The following EYS variants were observed in gnomAD, a reference collection of about 807,000 sequenced individuals.
EYS encodes the protein EGF-like photoreceptor maintenance factor.
A neutral mutation model predicts 282.1 loss-of-function variants in EYS; 250 were observed. The ratio of observed to expected loss-of-function variants is 0.89; its 90% confidence interval spans 0.80 to 0.98. The LOEUF is 0.98. EYS is among the 50% of genes least tolerant of loss of function. The probability of loss-of-function intolerance (pLI) is 0.00; values close to 1 mark genes in which losing one functional copy is unlikely to be tolerated. For missense variants in EYS, 4,016 were observed against 3,709.0 expected (o/e 1.08, Z -2.15); for synonymous variants, 1,355 against 1,282.9 (o/e 1.06, Z -1.20).
intron 26 of EYS, among the ~76,000 whole-genome samples, chr6:64,459,762 C>T (rs1295437133): frequency 3.3e-5 from 5 of 152,318 alleles, no homozygotes; most frequent in Admixed American, 3.3e-4. Context: ...GCTGCACTGA[C>T]AGCTGATTAG....
At chr6:64,690,713 G>A (rs1270452515) in intron 22 of EYS, among the ~76,000 whole-genome samples, 5 of 152,168 alleles carry the variant, frequency 3.3e-5, no homozygotes, top group Admixed American at 2.6e-4. Context: ...ATCATTCTGA[G>A]CATACTCGCG....
At chr6:65,224,387 C>A (rs1031872585) in intron 12 of EYS, among the ~76,000 whole-genome samples, 4 of 151,902 alleles carry the variant, frequency 2.6e-5, no homozygotes, top group African/African-American at 4.8e-5. Flanking sequence ...ATACAGTATG[C>A]CAAAACTTAC....
intron 12 of EYS, among the ~76,000 whole-genome samples, chr6:65,257,954 C>T (rs10944785): frequency 0.042 from 6,392 of 151,208 alleles, 183 homozygotes; most frequent in Middle Eastern, 0.065. Context: ...CTGTAGTCAA[C>T]AAGAAATTAT....
intron 36 of EYS, among the ~76,000 whole-genome samples, chr6:63,820,808 T>G (rs1039122453): frequency 1.3e-5 from 2 of 152,234 alleles, no homozygotes; most frequent in African/African-American, 4.8e-5. Context: ...TGTATCTTAC[T>G]ATGCCAGTAC....
chr6:65,138,931 T>C (rs983032797), intron 12 of EYS, among the ~76,000 whole-genome samples: 21 of 152,154 alleles, frequency 1.4e-4, no homozygotes, highest in Admixed American at 3.3e-4. Flanking sequence ...AGTCCAAAGA[T>C]AACAGACTCT....
intron 33 of EYS, among the ~76,000 whole-genome samples, chr6:64,049,800 A>G (rs1770746133): frequency 6.6e-6 from 1 of 152,184 alleles, no homozygotes; most frequent in Non-Finnish European, 1.5e-5. Context: ...GAAACAACAG[A>G]TGGATATTCT....
intron 24 of EYS, among the ~76,000 whole-genome samples, chr6:64,603,445 C>T (rs1438608988): frequency 6.6e-6 from 1 of 151,958 alleles, no homozygotes; most frequent in African/African-American, 2.4e-5. Flanking sequence ...TCTGTTGCCT[C>T]CCAAGAGCAC....
chr6:64,445,534 A>G (rs377648258), intron 26 of EYS, among the ~76,000 whole-genome samples: 7 of 152,312 alleles, frequency 4.6e-5, no homozygotes, highest in African/African-American at 1.4e-4. Flanking sequence ...CAATAAAGAA[A>G]TGAAATAGGT....
chr6:65,627,440 C>A (rs1766746882), intron 2 of EYS, among the ~76,000 whole-genome samples: 3 of 152,246 alleles, frequency 2.0e-5, no homozygotes, highest in South Asian at 4.1e-4. Flanking sequence ...CTTGAGGAGC[C>A]CTTCGGCCGC....
At chr6:64,814,283 T>G (rs920326236) in intron 21 of EYS, among the ~76,000 whole-genome samples, 2 of 152,066 alleles carry the variant, frequency 1.3e-5, no homozygotes. Flanking sequence ...ATAGTTTTAC[T>G]TACTTATTCA....
At chr6:65,018,815 C>T (rs141048636) in intron 13 of EYS, among the ~76,000 whole-genome samples, 43 of 152,072 alleles carry the variant, frequency 2.8e-4, no homozygotes, top group African/African-American at 1.0e-3. Context: ...ACCCTGTGTG[C>T]ATATGTTTGC....
At chr6:64,236,754 T>A (rs1439840116) in intron 30 of EYS, among the ~76,000 whole-genome samples, 1 of 150,896 alleles carries the variant, frequency 6.6e-6, no homozygotes, top group Non-Finnish European at 1.5e-5. Context: ...TCTTTCAGGT[T>A]TTTTTAATTT....
At chr6:65,043,783 A>T (rs1561937412) in intron 13 of EYS, among the ~76,000 whole-genome samples, 1 of 151,438 alleles carries the variant, frequency 6.6e-6, no homozygotes, top group African/African-American at 2.4e-5. Flanking sequence ...CCATTCTTCC[A>T]TTGACAGACA....
intron 5 of EYS, among the ~76,000 whole-genome samples, chr6:65,457,064 C>T (rs1474410633): frequency 2.0e-5 from 3 of 152,180 alleles, no homozygotes; most frequent in African/African-American, 7.2e-5. Context: ...GCAGATGGAA[C>T]ATATGCCATG....
In EYS at chr6:63,957,131, C is replaced by A. The variant is rs571625729; in HGVS notation, c.7055+27252G>T. Among the ~76,000 whole-genome samples, 33 of 142,630 alleles carry A rather than the reference C, an allele frequency of 2.3e-4. 6 individuals carry two copies. The South Asian group carries it at 2.5e-3, about 11-fold the overall frequency. 93.6% of individuals were successfully genotyped at this position (142,630 alleles called of 152,430 possible). ...ATGCCCGGATGAAGCTTATGTAAGA[C>A]AATATTTTTTTGAAAGACACATTAC... On this transcript the variant is annotated intron_variant, in intron 35 of 42. Coordinates refer to ENST00000503581, the MANE Select transcript of EYS (RefSeq NM_001142800.2).
chr6:64,703,549 C>T (rs1770872141), intron 22 of EYS, among the ~76,000 whole-genome samples: 1 of 148,908 alleles, frequency 6.7e-6, no homozygotes, highest in Admixed American at 6.8e-5. Context: ...TCTTCTGCCT[C>T]AGCCTCCCGA....
At chr6:65,084,994 A>G (rs764434971) in intron 12 of EYS, among the ~76,000 whole-genome samples, 3 of 152,122 alleles carry the variant, frequency 2.0e-5, no homozygotes, top group Admixed American at 6.6e-5. Flanking sequence ...CACTGATTGA[A>G]TTGTTAGAAT....
chr6:63,786,128 T>C (rs1477110326), intron 39 of EYS: 3 of 150,858 alleles, frequency 2.0e-5, no homozygotes, highest in Non-Finnish European at 2.9e-5. Context: ...GGAGGATTGA[T>C]TGAGCCCTGG....
intron 8 of EYS, among the ~76,000 whole-genome samples, chr6:65,362,358 T>C (rs1764742950): frequency 6.6e-6 from 1 of 152,046 alleles, no homozygotes; most frequent in Admixed American, 6.6e-5. Context: ...GGCAATACAT[T>C]CTAGAACATC....
Sources: gnomAD v4.1 joint callset for allele counts (sites outside exome capture counted in the v4.1 genomes callset) on GRCh38, gnomAD v4.1.1 for gene constraint, MANE v1.5 for transcripts, NCBI Gene and HGNC (gene_info 2026-07-23, HGNC 2026-07-21) for gene names.